Variants in ZRANB3 observed in about 807,000 individuals in gnomAD.
ZRANB3 encodes the protein DNA annealing helicase and endonuclease ZRANB3.
Under a neutral mutation model 133.8 loss-of-function variants are expected in ZRANB3, and 125 were observed. The observed-to-expected ratio is 0.93, with a 90% CI of 0.81 to 1.08. The LOEUF is 1.08. Ranked by LOEUF, ZRANB3 falls within the 50% of genes least tolerant of loss-of-function variation. The pLI is 0.00. For missense variants in ZRANB3, 1,229 were observed against 1,275.5 expected (o/e 0.96, Z 0.56); for synonymous variants, 387 against 432.7 (o/e 0.89, Z 1.31).
intron 8 of ZRANB3, among the ~76,000 whole-genome samples, chr2:135,286,107 G>A (rs56919294): frequency 0.056 from 8,478 of 152,086 alleles, 456 homozygotes; most frequent in African/African-American, 0.14. Flanking sequence ...TGGGGGAACA[G>A]GTGGTGTTTG....
chr2:135,308,266 C>T lies in ZRANB3; in HGVS notation c.966+5223G>A, dbSNP rs1293483363. Among the ~76,000 whole-genome samples, 4 of 152,266 alleles carry T rather than the reference C, an allele frequency of 2.6e-5. No individual in the cohort carries two copies. The South Asian group carries it at 6.2e-4, about 24-fold the overall frequency. ...GTCCTGAGTCCAACAGGGTTTCCTG[C>T]CCACTCCCCAGGGGTAGGCAGCATT... On this transcript the variant is annotated intron_variant, in intron 8 of 20. Transcript: ENST00000264159.
rs1685132927 is a variant in ZRANB3 at position 135,350,137 on chromosome 2, C to T, written c.438G>A (p.Leu146=). Residue 146 remains leucine (L), a synonymous_variant, in exon 5 of 21, where the codon CTG becomes CTA. Transcript: ENST00000264159. ...TADAKTLIDA[L]NNQNFKVVIV... ...TAACTACTTTGAAGTTCTGATTATT[C>T]AGTGCATCTATCAAAGTCTTTGCAT... The T allele has an allele frequency of 6.2e-7, 1 of 1,613,356 alleles. No homozygotes were observed. Among genetic ancestry groups the T allele is most frequent in the Non-Finnish European group, 8.5e-7 (1 of 1,179,658 alleles).
intron 2 of ZRANB3, among the ~76,000 whole-genome samples, chr2:135,402,819 C>T (rs1021133471): frequency 6.6e-6 from 1 of 152,142 alleles, no homozygotes; most frequent in Non-Finnish European, 1.5e-5. Flanking sequence ...CTCCTGACCT[C>T]AGGTGATCTA....
At chr2:135,300,387 G>A (rs1266176556) in intron 8 of ZRANB3, among the ~76,000 whole-genome samples, 2 of 151,838 alleles carry the variant, frequency 1.3e-5, no homozygotes, top group Non-Finnish European at 2.9e-5. Flanking sequence ...ACCATCATCA[G>A]GTGGCTTTAA....
At chr2:135,410,520 A>C (rs1335296366) in intron 2 of ZRANB3, among the ~76,000 whole-genome samples, 2 of 152,302 alleles carry the variant, frequency 1.3e-5, no homozygotes, top group South Asian at 2.1e-4. Flanking sequence ...TAAGACCTCA[A>C]ACTACAAAAT....
At chr2:135,436,777 T>A (rs1276143039) in intron 2 of ZRANB3, among the ~76,000 whole-genome samples, 1 of 151,778 alleles carries the variant, frequency 6.6e-6, no homozygotes, top group Non-Finnish European at 1.5e-5. Flanking sequence ...AAAATTGATA[T>A]GAAACCAAAA....
intron 2 of ZRANB3, among the ~76,000 whole-genome samples, chr2:135,503,605 G>A (rs917040786): frequency 1.3e-5 from 2 of 152,144 alleles, no homozygotes; most frequent in African/African-American, 4.8e-5. Context: ...ACAGACAGTA[G>A]TATAAGGTAC....
chr2:135,389,876 CTTTTTTTTTTT>C (rs1165827390), intron 3 of ZRANB3, among the ~76,000 whole-genome samples: 14 of 102,334 alleles, frequency 1.4e-4, no homozygotes, highest in Admixed American at 8.2e-4. Flanking sequence ...TGCTGTTATT[CTTTTTTTTTTT>C]TTTTTTTTTT....
intron 2 of ZRANB3, among the ~76,000 whole-genome samples, chr2:135,412,448 A>T (rs1468485928): frequency 1.3e-5 from 2 of 152,178 alleles, no homozygotes; most frequent in Non-Finnish European, 2.9e-5. Flanking sequence ...TATAAACTAG[A>T]TCAAGTAGAC....
chr2:135,338,123 A>C (rs562670068), intron 6 of ZRANB3, among the ~76,000 whole-genome samples: 4 of 152,228 alleles, frequency 2.6e-5, no homozygotes, highest in Non-Finnish European at 5.9e-5. Flanking sequence ...AACATCTGTG[A>C]ATTTAGCAGA....
rs1306472479 is a variant in ZRANB3, at chr2:135,224,355, T to C, written c.2250+71A>G. The C allele has an allele frequency of 7.8e-6, 9 of 1,158,316 alleles. No individual in the cohort carries two copies. The East Asian group carries it at 1.2e-4, about 16-fold the overall frequency. 71.8% of individuals were successfully genotyped at this position (1,158,316 alleles called of 1,614,324 possible). The stretch of plus-strand genomic sequence containing the variant: ...TTATCTCAATGTTAATAAAATTAAG[T>C]ATCTCCACTGAAAAGTGAAAAAAGG... On this transcript the variant is annotated intron_variant, in intron 15 of 20. Coordinates refer to ENST00000264159, the MANE Select transcript of ZRANB3 (RefSeq NM_032143.4).
At chr2:135,412,190 G>A (rs1476532714) in intron 2 of ZRANB3, among the ~76,000 whole-genome samples, 1 of 152,060 alleles carries the variant, frequency 6.6e-6, no homozygotes, top group African/African-American at 2.4e-5. Context: ...AAATGCTCAG[G>A]TTTTTTAGCA....
At chr2:135,462,589 CTCTCTT>C (rs998327848) in intron 2 of ZRANB3, among the ~76,000 whole-genome samples, 2 of 149,156 alleles carry the variant, frequency 1.3e-5, no homozygotes, top group African/African-American at 2.5e-5. Context: ...CTCCCTCTCT[CTCTCTT>C]TTTCTTTTTC....
chr2:135,256,726 G>T (rs1299379553), intron 12 of ZRANB3, among the ~76,000 whole-genome samples: 1 of 152,172 alleles, frequency 6.6e-6, no homozygotes, highest in Non-Finnish European at 1.5e-5. Context: ...GTAAAATGAG[G>T]CCAAGACCTG....
At chr2:135,494,903 T>C (rs1235009083) in intron 2 of ZRANB3, among the ~76,000 whole-genome samples, 1 of 152,198 alleles carries the variant, frequency 6.6e-6, no homozygotes, top group African/African-American at 2.4e-5. Flanking sequence ...AAAGACAGCA[T>C]TGGGACAACT....
intron 2 of ZRANB3, among the ~76,000 whole-genome samples, chr2:135,470,727 G>A (rs1232563332): frequency 6.6e-6 from 1 of 151,354 alleles, no homozygotes; most frequent in African/African-American, 2.4e-5. Flanking sequence ...GCACGGAGAA[G>A]TTAATTACTT....
chr2:135,272,780 C>T (rs1046671719), intron 9 of ZRANB3, among the ~76,000 whole-genome samples: 1 of 152,062 alleles, frequency 6.6e-6, no homozygotes, highest in East Asian at 1.9e-4. Context: ...CACCCACACA[C>T]ATTTTTGAAA....
intron 6 of ZRANB3, among the ~76,000 whole-genome samples, chr2:135,321,930 C>T (rs999158210): frequency 6.6e-6 from 1 of 152,056 alleles, no homozygotes; most frequent in African/African-American, 2.4e-5. Flanking sequence ...ATTTTAAGTT[C>T]TGATGAGGTG....
intron 1 of ZRANB3, among the ~76,000 whole-genome samples, chr2:135,526,444 G>C (rs549123267): frequency 6.6e-6 from 1 of 152,230 alleles, no homozygotes; most frequent in Admixed American, 6.5e-5. Flanking sequence ...GATTACAGGC[G>C]TGAGCCAATG....
Sources: allele counts gnomAD v4.1 joint callset (sites outside exome capture counted in the v4.1 genomes callset), GRCh38; gene constraint gnomAD v4.1.1; transcripts MANE v1.5; gene names NCBI Gene and HGNC (gene_info 2026-07-23, HGNC 2026-07-21).